SUCLG1: variants seen among roughly 807,000 people sequenced by gnomAD.
SUCLG1 encodes the protein succinate-CoA ligase GDP/ADP-forming subunit alpha.
A neutral mutation model predicts 37.3 loss-of-function variants in SUCLG1; 26 were observed. The ratio of observed to expected loss-of-function variants is 0.70; its 90% CI spans 0.51 to 0.97. The LOEUF is 0.97. Ranked by LOEUF, SUCLG1 falls within the 50% of genes least tolerant of loss-of-function variation. The probability of loss-of-function intolerance (pLI) is 0.00; values close to 1 mark genes in which losing one functional copy is unlikely to be tolerated. For synonymous variants in SUCLG1, 163 were observed against 155.6 expected (o/e 1.05, Z -0.36); for missense variants, 433 against 432.9 (o/e 1.00, Z 0.00).
chr2:84,428,109 G>T (rs1351162041), intron 7 of SUCLG1, among the ~76,000 whole-genome samples: 1 of 152,082 alleles, frequency 6.6e-6, no homozygotes, highest in Non-Finnish European at 1.5e-5. Flanking sequence ...GAATGCTCTA[G>T]CTCTGTGCCT....
chr2:84,425,957 C>A, intron 7 of SUCLG1: 1 of 339,632 alleles, frequency 2.9e-6, no homozygotes, highest in Non-Finnish European at 5.6e-6. Flanking sequence ...GGTTGCTTTA[C>A]TTCAACCTAA....
At chr2:84,442,358 G>A (rs951853003) in intron 3 of SUCLG1, among the ~76,000 whole-genome samples, 6 of 152,128 alleles carry the variant, frequency 3.9e-5, no homozygotes, top group African/African-American at 1.4e-4. Context: ...ATATGCAAAA[G>A]AAGAGAGGAA....
Position 84,459,271 on chromosome 2 carries a change from C to A in SUCLG1, c.-2G>T. ...GGCAGCGGCAAGGGTTGCGGTCATA[C>A]GCCAATGACACTCCCAGGCCCCCGG... On this transcript the variant is annotated 5_prime_UTR_variant, in exon 1 of 9. Coordinates refer to ENST00000393868, the MANE Select transcript of SUCLG1 (RefSeq NM_003849.4). The A allele has an allele frequency of 6.4e-7, 1 of 1,550,420 alleles. No homozygotes were observed. Among genetic ancestry groups the A allele is most frequent in the Non-Finnish European group, 8.7e-7 (1 of 1,146,670 alleles).
chr2:84,458,915 G>A (rs2104275869), intron 1 of SUCLG1, among the ~76,000 whole-genome samples: 1 of 152,264 alleles, frequency 6.6e-6, no homozygotes, highest in South Asian at 2.1e-4. Context: ...AAATTTGCAG[G>A]GCTCCCGGAC....
rs200877116 is a variant in SUCLG1, at chr2:84,441,475, C to T, written c.319-16G>A. 2.0e-5 allele frequency: 32 copies of T among 1,611,770 alleles called. No individual in the cohort carries two copies. The highest frequency in any genetic ancestry group is 1.3e-4 in the East Asian group (6 of 44,888). On this transcript the variant is annotated splice_polypyrimidine_tract_variant and intron_variant, in intron 3 of 8. Transcript: ENST00000393868. ...GTTCTTTGGCCTGAAACATTAACGA[C>T]GAAGCACCTTATTATTTGTTAAATC... is the stretch of plus-strand genomic sequence containing the variant.
At chr2:84,434,229 A>G (rs1007331594) in intron 5 of SUCLG1, among the ~76,000 whole-genome samples, 1 of 152,208 alleles carries the variant, frequency 6.6e-6, no homozygotes, top group African/African-American at 2.4e-5. Context: ...ACAGTACCCA[A>G]ACTATTAAAC....
At chr2:84,430,066 GA>G (rs113556868) in intron 7 of SUCLG1, among the ~76,000 whole-genome samples, 8,116 of 152,250 alleles carry the variant, frequency 0.053, 473 homozygotes, top group African/African-American at 0.14. Flanking sequence ...AATAGGCACA[GA>G]AAATAGATCC....
chr2:84,454,314 A>G (rs1672987268), intron 1 of SUCLG1, among the ~76,000 whole-genome samples: 1 of 152,234 alleles, frequency 6.6e-6, no homozygotes, highest in Non-Finnish European at 1.5e-5. Context: ...AACATATAAT[A>G]CATTTGTAAA....
chr2:84,434,926 G>A (rs1355724627), intron 5 of SUCLG1, among the ~76,000 whole-genome samples: 1 of 152,164 alleles, frequency 6.6e-6, no homozygotes, highest in East Asian at 1.9e-4. Flanking sequence ...TCAAAGAATG[G>A]TGTGTACGTA....
chr2:84,452,697 C>G (rs1404830621), intron 1 of SUCLG1, among the ~76,000 whole-genome samples: 1 of 152,178 alleles, frequency 6.6e-6, no homozygotes, highest in East Asian at 1.9e-4. Flanking sequence ...AAGACTATTT[C>G]AAGTACCATC....
chr2:84,453,040 G>A (rs546029902), intron 1 of SUCLG1, among the ~76,000 whole-genome samples: 3 of 152,230 alleles, frequency 2.0e-5, no homozygotes, highest in South Asian at 2.1e-4. Context: ...ATGGAAGTTC[G>A]GCCCTAAAAT....
intron 8 of SUCLG1, among the ~76,000 whole-genome samples, chr2:84,424,454 A>G (rs917964210): frequency 1.3e-5 from 2 of 152,158 alleles, no homozygotes; most frequent in African/African-American, 4.8e-5. Flanking sequence ...CTCACTAAGC[A>G]CCTAGATTTC....
intron 1 of SUCLG1, among the ~76,000 whole-genome samples, chr2:84,451,633 C>A (rs564489990): frequency 6.6e-6 from 1 of 152,284 alleles, no homozygotes; most frequent in East Asian, 1.9e-4. Context: ...AACATCAGAT[C>A]TTTGGTGCTC....
At chr2:84,432,087 T>C (rs1345737608) in intron 6 of SUCLG1, among the ~76,000 whole-genome samples, 1 of 152,190 alleles carries the variant, frequency 6.6e-6, no homozygotes, top group African/African-American at 2.4e-5. Flanking sequence ...AAGAAACTAT[T>C]TGATGAAGTA....
chr2:84,423,679 A>C lies in SUCLG1; in HGVS notation c.*67T>G, dbSNP rs1046344266. On this transcript the variant is annotated 3_prime_UTR_variant, in exon 9 of 9. Coordinates refer to ENST00000393868, the MANE Select transcript of SUCLG1 (RefSeq NM_003849.4). ...GGCTGATTAATCAGTGGACAACAGA[A>C]GCAAACTGCTGCTGGGTTACATGTC... The C allele has an allele frequency of 3.3e-5, 49 of 1,504,890 alleles. 2 individuals are homozygous for C. The East Asian group carries it at 1.1e-3, about 35-fold the overall frequency. 93.2% of individuals were successfully genotyped at this position (1,504,890 alleles called of 1,614,324 possible). A position where few individuals can be genotyped will look rare whatever the true frequency, so the allele number is the denominator to read the frequency against.
chr2:84,431,102 G>C (rs1360310531), intron 7 of SUCLG1, among the ~76,000 whole-genome samples: 1 of 152,174 alleles, frequency 6.6e-6, no homozygotes, highest in Admixed American at 6.5e-5. Flanking sequence ...CTGAAAAAAA[G>C]CACAAGGGAT....
At chr2:84,428,767 A>C (rs13411973) in intron 7 of SUCLG1, among the ~76,000 whole-genome samples, 6,169 of 152,280 alleles carry the variant, frequency 0.041, 409 homozygotes, top group African/African-American at 0.14. Context: ...CTAAAAACAG[A>C]AAGGCCAGTT....
chr2:84,430,788 T>C (rs572793214), intron 7 of SUCLG1, among the ~76,000 whole-genome samples: 1 of 152,322 alleles, frequency 6.6e-6, no homozygotes, highest in African/African-American at 2.4e-5. Context: ...TTGATTTTTT[T>C]CCCACAGTTC....
rs1035507077 is a variant in SUCLG1 at position 84,441,411 on chromosome 2, G to A, written c.367C>T (p.Pro123Ser). ...TCATTAATGGCAGCAGCAGCAAAAG[G>A]CGGAGGAACATAAATGACAGAAGCC... ...ATASVIYVPP[P>S]FAAAAINEAI... Residue 123 changes from proline (P) to serine (S), a missense_variant, in exon 4 of 9, where the codon CCT becomes TCT. Pro to Ser is a moderately conservative substitution (Grantham distance 74). Coordinates refer to ENST00000393868, the MANE Select transcript of SUCLG1 (RefSeq NM_003849.4). 4 of 1,614,010 alleles carry A rather than the reference G, an allele frequency of 2.5e-6. No individual in the cohort carries two copies. The African/African-American group carries it at 5.3e-5, about 22-fold the overall frequency.
Sources: gnomAD v4.1 joint callset for allele counts (sites outside exome capture counted in the v4.1 genomes callset) on GRCh38, gnomAD v4.1.1 for gene constraint, MANE v1.5 for transcripts, NCBI Gene and HGNC (gene_info 2026-07-23, HGNC 2026-07-21) for gene names.